SEPTIN12: variants seen among roughly 807,000 people sequenced by gnomAD.
SEPTIN12 encodes septin-12.
SEPTIN12 carries 42 observed loss-of-function variants against 37.7 expected under a neutral mutation model. The observed-to-expected ratio is 1.11, with a 90% CI of 0.87 to 1.44. The LOEUF is 1.44. Ranked by LOEUF, SEPTIN12 falls within the 40% of genes most tolerant of loss-of-function variation. SEPTIN12 has a pLI of 0.00. For missense variants in SEPTIN12, 613 were observed against 479.2 expected (o/e 1.28, Z -2.61); for synonymous variants, 254 against 196.7 (o/e 1.29, Z -2.44).
Position 4,786,079 on chromosome 16 carries a change from T to C in SEPTIN12, c.193A>G (p.Met65Val), listed in dbSNP as rs2082439970. 1 of 1,612,826 alleles carries C rather than the reference T, an allele frequency of 6.2e-7. No homozygotes were observed. The change falls in exon 3 of 10, where the codon ATG becomes GTG. Residue 65 changes from methionine (M) to valine (V), a missense_variant. Transcript: ENST00000268231. ...VGQSGLGKST[M>V]VNTLFKSKVW... is the part of the protein sequence containing the mutation. Reference sequence around the variant, plus strand: ...TTGGACTTGAACAGCGTGTTCACCATCGTGGACTTGCCCAGCCCGCTTTGC... The same window carrying C: ...TTGGACTTGAACAGCGTGTTCACCACCGTGGACTTGCCCAGCCCGCTTTGC...
intron 8 of SEPTIN12, 67 bp downstream of exon 8, chr16:4,779,623 T>C (rs1157105599): frequency 3.1e-6 from 3 of 955,022 alleles, no homozygotes; most frequent in Admixed American, 1.7e-5. Context: ...GGTGCGAAGG[T>C]TGCCCAAGGC....
At chr16:4,782,740 C>T (rs1349591087) in intron 7 of SEPTIN12, among the ~76,000 whole-genome samples, 3 of 150,910 alleles carry the variant, frequency 2.0e-5, no homozygotes, top group Admixed American at 6.6e-5. Flanking sequence ...AGTAGCTGGG[C>T]TTACAGGCAC....
At position 4,783,658 on chromosome 16, in the gene SEPTIN12, G is replaced by A; in HGVS notation, c.621C>T (p.Phe207=). Residue 207 remains phenylalanine (F), a synonymous_variant, in exon 6 of 10, where the codon TTC becomes TTT. Transcript: ENST00000268231. ...DSLTMEEREA[F]RRRIQQNLRT... The stretch of plus-strand genomic sequence containing the variant: ...CGGGCATCCAGATCACCCTGCGCCT[G>A]AAGGCCTCTCGCTCCTCCATGGTCA... The A allele has an allele frequency of 6.2e-7, 1 of 1,613,932 alleles. No homozygotes were observed.
intron 7 of SEPTIN12, 148 bp from the exon 8 acceptor site, chr16:4,779,934 G>A (rs917295902): frequency 4.5e-6 from 3 of 671,792 alleles, no homozygotes; most frequent in Non-Finnish European, 7.9e-6. Context: ...CAAGTTCAAA[G>A]ACATAAAGTC....
chr16:4,787,697 T>G lies in SEPTIN12; in HGVS notation c.-22-30A>C, dbSNP rs756874368. 6.0e-4 allele frequency: 554 copies of G among 930,174 alleles called. 1 individual carries two copies. The highest frequency in any genetic ancestry group is 5.7e-4 in the Non-Finnish European group (348 of 609,860). 57.6% of individuals were successfully genotyped at this position (930,174 alleles called of 1,614,324 possible). A position where few individuals can be genotyped will look rare whatever the true frequency, so the allele number is the denominator to read the frequency against. On this transcript the variant is annotated intron_variant, in intron 1 of 9. Transcript: ENST00000268231. Reference sequence around the variant, plus strand: ...CACCAGGTGGGTGGGGAGAAGGGGGTCACTGGGGCTCAGAGGAGCCCACAT... The same window carrying G: ...CACCAGGTGGGTGGGGAGAAGGGGGGCACTGGGGCTCAGAGGAGCCCACAT...
chr16:4,783,326 G>A (rs957017237), intron 7 of SEPTIN12, 136 bp downstream of exon 7: 4 of 724,508 alleles, frequency 5.5e-6, no homozygotes, highest in African/African-American at 1.7e-5. Context: ...CCTTGAGCTT[G>A]TGGATGAGTA....
intron 7 of SEPTIN12, among the ~76,000 whole-genome samples, chr16:4,781,944 T>A (rs1245546178): frequency 1.5e-5 from 1 of 66,656 alleles, no homozygotes; most frequent in Admixed American, 1.5e-4. Context: ...GTGCCCGGCC[T>A]TTTTTTTTTT....
upstream of SEPTIN12, chr16:4,788,617 AT>A (rs2141885538): frequency 1.3e-5 from 2 of 152,328 alleles, no homozygotes; most frequent in East Asian, 3.9e-4. Flanking sequence ...CTAGCGGGAT[AT>A]CCGTGTCCAC....
chr16:4,783,705 C>G lies in SEPTIN12; in HGVS notation c.574G>C (p.Val192Leu), dbSNP rs1013230244. The G allele has an allele frequency of 1.2e-6, 2 of 1,614,096 alleles. No homozygotes were observed. Among genetic ancestry groups the G allele is most frequent in the Non-Finnish European group, 1.7e-6 (2 of 1,180,030 alleles). Residue 192 changes from valine to leucine, a missense_variant, in exon 6 of 10, where the codon GTG (valine) becomes CTG (leucine). Val to Leu is a conservative substitution (Grantham distance 32, BLOSUM62 1). Transcript: ENST00000268231. The stretch of plus-strand genomic sequence containing the variant: ...GTCAGGCTGTCGGCCCTGGCAATCA[C>G]GGGCACCACATTCACAGTCCGGCAC... ...RLCRTVNVVP[V>L]IARADSLTME... is the part of the protein sequence containing the mutation.
At position 4,786,060 on chromosome 16, in the gene SEPTIN12, T is replaced by A; in HGVS notation, c.212A>T (p.Lys71Met). ...TGGGTTTGACTTCCACACTTTGGAC[T>A]TGAACAGCGTGTTCACCATCGTGGA... is the stretch of plus-strand genomic sequence containing the variant. ...GKSTMVNTLF[K>M]SKVWKSNPPG... Residue 71 changes from lysine (K) to methionine (M), a missense_variant, in exon 3 of 10, where the codon AAG becomes ATG. Physicochemically the swap from Lys to Met is moderately conservative, Grantham distance 95 (BLOSUM62 -1). Transcript: ENST00000268231. 6.2e-7 allele frequency: 1 copy of A among 1,613,960 alleles called. No homozygotes were observed. Among genetic ancestry groups the A allele is most frequent in the Non-Finnish European group, 8.5e-7 (1 of 1,179,906 alleles).
chr16:4,784,131 C>T (rs958236443), intron 4 of SEPTIN12, 63 bp from the exon 5 acceptor site: 28 of 1,587,252 alleles, frequency 1.8e-5, no homozygotes, highest in Non-Finnish European at 2.3e-5. Context: ...CCACCCCTCT[C>T]CTCTGTGTCC....
upstream of SEPTIN12, among the ~76,000 whole-genome samples, chr16:4,789,079 C>T (rs1020818870): frequency 2.6e-5 from 4 of 152,314 alleles, no homozygotes; most frequent in Admixed American, 6.5e-5. Flanking sequence ...AATGCAGTGG[C>T]GCGATCTCGG....
At chr16:4,791,563 T>C (rs1196553099), upstream of SEPTIN12, among the ~76,000 whole-genome samples, 4 of 152,112 alleles carry the variant, frequency 2.6e-5, no homozygotes, top group Non-Finnish European at 4.4e-5. Context: ...AGCTCACACA[T>C]TGGTGGGTCT....
At chr16:4,786,352 GCTTT>G (rs2082445299) in intron 2 of SEPTIN12, among the ~76,000 whole-genome samples, 1 of 134,682 alleles carries the variant, frequency 7.4e-6, no homozygotes, top group Admixed American at 7.5e-5. Context: ...TTTTTGCACT[GCTTT>G]TTTTTTTTTT....
Position 4,784,031 on chromosome 16 carries a change from C to A in SEPTIN12, c.412G>T (p.Glu138Ter), listed in dbSNP as rs773035599. The A allele has an allele frequency of 6.2e-7, 1 of 1,614,118 alleles. No homozygotes were observed. Among genetic ancestry groups the A allele is most frequent in the African/African-American group, 1.3e-5 (1 of 75,034 alleles). Reference sequence around the variant, plus strand: ...AGGATCTCCTCCTGCAGGTACTGCTCGTATTGCTCGTTGATGTAGCCCAGG... The same window carrying A: ...AGGATCTCCTCCTGCAGGTACTGCTAGTATTGCTCGTTGATGTAGCCCAGG... ...PILGYINEQY[E>*]QYLQEEILIT... Residue 138 changes from glutamate to a stop codon, truncating the protein, a stop_gained, in exon 5 of 10, where the codon GAG becomes TAG. Coordinates refer to ENST00000268231, the MANE Select transcript of SEPTIN12 (RefSeq NM_144605.5). LOFTEE classifies it high-confidence loss of function.
At position 4,783,793 on chromosome 16, in the gene SEPTIN12, G is replaced by A. The variant is rs376807826; in HGVS notation, c.513-27C>T. 3.1e-6 allele frequency: 5 copies of A among 1,607,398 alleles called. No individual in the cohort carries two copies. In the South Asian group the frequency reaches 4.4e-5, roughly 14 times the overall value. On this transcript the variant is annotated intron_variant, in intron 5 of 9. Coordinates refer to ENST00000268231, the MANE Select transcript of SEPTIN12 (RefSeq NM_144605.5). ...TGCCGGAGGCAGGGCAGTGATGGGG[G>A]TGGCGGTGGTGGTGAGTGTATAAAC...
At chr16:4,783,815 A>T in intron 5 of SEPTIN12, 49 bp from the exon 6 acceptor site, 2 of 1,603,834 alleles carry the variant, frequency 1.2e-6, no homozygotes, top group Non-Finnish European at 1.7e-6. Context: ...GTGAGTGTAT[A>T]AACGACAGCA....
In SEPTIN12 at chr16:4,784,078, G is replaced by A. The variant is rs2082406409; in HGVS notation, c.375-10C>T. On this transcript the variant is annotated splice_polypyrimidine_tract_variant and intron_variant, in intron 4 of 9. Transcript: ENST00000268231. ...CAGGATGGGGTCCCAGCTGAGGCGG[G>A]AGGTGGACCCTCCCCTCAGAACTGT... is the stretch of plus-strand genomic sequence containing the variant. 4 of 1,613,904 alleles carry A rather than the reference G, an allele frequency of 2.5e-6. No individual in the cohort carries two copies. In the East Asian group the frequency reaches 6.7e-5, roughly 27 times the overall value.
chr16:4,777,761 C>A lies in SEPTIN12; in HGVS notation c.*36G>T. On this transcript the variant is annotated 3_prime_UTR_variant, in exon 10 of 10. Transcript: ENST00000268231. ...GGTGTGTGTTGAGAGCCGCTGGGGA[C>A]TCAGGAAGCCCAGCAGCCCCGGGAT... The A allele has an allele frequency of 7.0e-7, 1 of 1,430,274 alleles. No individual in the cohort carries two copies. Among genetic ancestry groups the A allele is most frequent in the Non-Finnish European group, 9.3e-7 (1 of 1,070,254 alleles). 88.6% of individuals were successfully genotyped at this position (1,430,274 alleles called of 1,614,324 possible). A position where few individuals can be genotyped will look rare whatever the true frequency, so the allele number is the denominator to read the frequency against.
Sources: allele counts gnomAD v4.1 joint callset (sites outside exome capture counted in the v4.1 genomes callset), GRCh38; gene constraint gnomAD v4.1.1; transcripts MANE v1.5; gene names NCBI Gene and HGNC (gene_info 2026-07-23, HGNC 2026-07-21).